TMEM120B: variants seen among roughly 807,000 people sequenced by gnomAD.
TMEM120B encodes transmembrane protein 120B.
Under a neutral mutation model 55.5 loss-of-function variants are expected in TMEM120B, and 31 were observed. The ratio of observed to expected loss-of-function variants is 0.56; its 90% CI spans 0.42 to 0.75. The LOEUF (loss-of-function observed/expected upper bound fraction) is 0.75, where lower values mean the gene tolerates loss of function less well. TMEM120B is among the 30% of genes least tolerant of loss of function. TMEM120B has a pLI of 0.00. For missense variants in TMEM120B, 399 were observed against 425.5 expected (o/e 0.94, Z 0.55); for synonymous variants, 203 against 176.3 (o/e 1.15, Z -1.20).
chr12:121,754,149 G>T (rs372033207), intron 5 of TMEM120B, among the ~76,000 whole-genome samples: 5 of 152,246 alleles, frequency 3.3e-5, no homozygotes, highest in East Asian at 3.8e-4. Context: ...CCAAACAAAG[G>T]CTCTTTCAGG....
intron 6 of TMEM120B, among the ~76,000 whole-genome samples, chr12:121,770,610 G>T (rs534398995): frequency 6.6e-6 from 1 of 152,210 alleles, no homozygotes; most frequent in South Asian, 2.1e-4. Context: ...AGGACCAGGT[G>T]GGGAGGACAG....
intron 6 of TMEM120B, among the ~76,000 whole-genome samples, chr12:121,763,113 AGGTCTAATTCCTTTTGGG>A (rs1786724039): frequency 6.6e-6 from 1 of 150,474 alleles, no homozygotes; most frequent in Non-Finnish European, 1.5e-5. Flanking sequence ...TATTTTCCAA[AGGTCTAATTCCTTTTGGG>A]GGTGGCCATT....
In TMEM120B at chr12:121,780,036, T is replaced by A; in HGVS notation, c.*4314T>A. 5.2e-6 allele frequency: 1 copy of A among 191,510 alleles called. No individual in the cohort carries two copies. The highest frequency in any genetic ancestry group is 1.1e-5 in the Non-Finnish European group (1 of 91,328). 11.9% of individuals were successfully genotyped at this position (191,510 alleles called of 1,614,324 possible). A position where few individuals can be genotyped will look rare whatever the true frequency, so the allele number is the denominator to read the frequency against. On this transcript the variant is annotated 3_prime_UTR_variant, in exon 12 of 12. Coordinates refer to ENST00000449592, the MANE Select transcript of TMEM120B (RefSeq NM_001080825.2). The stretch of plus-strand genomic sequence containing the variant: ...CTCTCTCCCTTCTCTGAAAGTACCA[T>A]TTAGGCAAATTAATTTGCCCTTTTA...
intron 4 of TMEM120B, among the ~76,000 whole-genome samples, chr12:121,751,104 A>G (rs555315460): frequency 2.7e-5 from 2 of 73,320 alleles, no homozygotes; most frequent in South Asian, 1.1e-3. Context: ...CCCCACACCC[A>G]CACCCCAAAC....
rs927026320 is a variant in TMEM120B at position 121,735,212 on chromosome 12, A to C, written c.70-8417A>C. On this transcript the variant is annotated intron_variant, in intron 1 of 11. Transcript: ENST00000449592. ...AAAAAAAAAAAAAACAAAAAAAAAA[A>C]CCCAGAAACAAAACCTCCCAACTTA... Among the ~76,000 whole-genome samples the C allele has an allele frequency of 4.0e-5, 6 of 151,014 alleles. No homozygotes were observed. The South Asian group carries it at 8.4e-4, about 21-fold the overall frequency.
chr12:121,715,688 CAGT>C (rs891560039), intron 1 of TMEM120B, among the ~76,000 whole-genome samples: 1 of 152,022 alleles, frequency 6.6e-6, no homozygotes, highest in African/African-American at 2.4e-5. Flanking sequence ...GGTCAGGGGC[CAGT>C]CAGGGATGGC....
At chr12:121,754,484 C>A (rs1048407775) in intron 5 of TMEM120B, among the ~76,000 whole-genome samples, 2 of 152,210 alleles carry the variant, frequency 1.3e-5, no homozygotes, top group Admixed American at 6.5e-5. Flanking sequence ...TGGAAGCCGG[C>A]GGTCTGAAAG....
At chr12:121,750,357 C>T (rs1241254122) in intron 3 of TMEM120B, 23 bp from the exon 4 acceptor site, 2 of 1,610,666 alleles carry the variant, frequency 1.2e-6, no homozygotes, top group Admixed American at 3.3e-5. Flanking sequence ...AGGATCATGC[C>T]CCTCACAGGT....
rs1488515410 is a variant in TMEM120B, at chr12:121,781,314, A to G, written c.*5592A>G. On this transcript the variant is annotated 3_prime_UTR_variant, in exon 12 of 12. Coordinates refer to ENST00000449592, the MANE Select transcript of TMEM120B (RefSeq NM_001080825.2). ...GGGCCTCAATTTCCTCATCTATACA[A>G]TGGGCAGCAAGCCAGGAGTGCTGGC... 5.1e-6 allele frequency: 4 copies of G among 779,760 alleles called. No individual in the cohort carries two copies. Among genetic ancestry groups the G allele is most frequent in the Admixed American group, 2.5e-5 (1 of 39,288 alleles). 48.3% of individuals were successfully genotyped at this position (779,760 alleles called of 1,614,324 possible).
chr12:121,774,764 GA>G, intron 10 of TMEM120B, 42 bp downstream of exon 10: 15 of 1,602,562 alleles, frequency 9.4e-6, no homozygotes, highest in Non-Finnish European at 1.3e-5. Flanking sequence ...TGTCTGGGCT[GA>G]CCCCCAGGAA....
chr12:121,770,887 C>T lies in TMEM120B; in HGVS notation c.552-20C>T, dbSNP rs764563331. ...TTGCTCTCCCCTCCTGAGCACTTTC[C>T]GTTCTCTCCCTCTCCCGAGAATTAA... is the stretch of plus-strand genomic sequence containing the variant. On this transcript the variant is annotated intron_variant, in intron 6 of 11. Coordinates refer to ENST00000449592, the MANE Select transcript of TMEM120B (RefSeq NM_001080825.2). The T allele has an allele frequency of 3.5e-5, 57 of 1,613,486 alleles. No homozygotes were observed. Among genetic ancestry groups the T allele is most frequent in the Admixed American group, 1.5e-4 (9 of 59,978 alleles).
chr12:121,723,814 G>A lies in TMEM120B; in HGVS notation c.69+10850G>A, dbSNP rs532015911. ...TGTGTACTATTCCTTCTTTTCTTTT[G>A]TTTTTCTTTTGAGACAAGGTCTCTG... On this transcript the variant is annotated intron_variant, in intron 1 of 11. Coordinates refer to ENST00000449592, the MANE Select transcript of TMEM120B (RefSeq NM_001080825.2). Among the ~76,000 whole-genome samples, 5 of 152,120 alleles carry A rather than the reference G, an allele frequency of 3.3e-5. 1 individual carries two copies. In the East Asian group the frequency reaches 9.7e-4, roughly 29 times the overall value.
At chr12:121,735,077 T>G (rs1009045431) in intron 1 of TMEM120B, among the ~76,000 whole-genome samples, 29 of 151,436 alleles carry the variant, frequency 1.9e-4, no homozygotes, top group African/African-American at 7.0e-4. Context: ...TCCCAGCTAC[T>G]TGGGAGGCTG....
Position 121,712,767 on chromosome 12 carries a change from T to C in TMEM120B, c.-129T>C, listed in dbSNP as rs1894622430. 1 of 551,146 alleles carries C rather than the reference T, an allele frequency of 1.8e-6. No individual in the cohort carries two copies. The highest frequency in any genetic ancestry group is 2.7e-6 in the Non-Finnish European group (1 of 377,312). The allele number at this position is 551,146 out of a possible 1,614,324, so 34.1% of individuals were successfully genotyped here. On this transcript the variant is annotated 5_prime_UTR_variant, in exon 1 of 12. Transcript: ENST00000449592. The stretch of plus-strand genomic sequence containing the variant: ...CCGTGACGTCAGTTGCGCGCGTGGC[T>C]CTGGCTGCGCAGGAACAGCTGGTGC...
Position 121,720,073 on chromosome 12 carries a change from C to G in TMEM120B, c.69+7109C>G, listed in dbSNP as rs534808080. ...GCTGCATGCACCTCATCTCCTAGCTCTTTCACAGCTGATGACACCGAGGCA... is the reference window on the plus strand; with the variant it reads ...GCTGCATGCACCTCATCTCCTAGCTGTTTCACAGCTGATGACACCGAGGCA... On this transcript the variant is annotated intron_variant, in intron 1 of 11. Transcript: ENST00000449592. 2.0e-5 allele frequency among the ~76,000 whole-genome samples: 3 copies of G among 152,282 alleles called. No homozygotes were observed. The East Asian group carries it at 5.8e-4, about 29-fold the overall frequency.
Position 121,773,522 on chromosome 12 carries a change from C to G in TMEM120B, c.772+9C>G. On this transcript the variant is annotated intron_variant, in intron 9 of 11. Coordinates refer to ENST00000449592, the MANE Select transcript of TMEM120B (RefSeq NM_001080825.2). Reference sequence around the variant, plus strand: ...CCTGGATCTCACAGTGGGTGAGTAGCTGGGCCTGGGTTGGAGCCGGGGCAG... The same window carrying G: ...CCTGGATCTCACAGTGGGTGAGTAGGTGGGCCTGGGTTGGAGCCGGGGCAG... The G allele has an allele frequency of 1.9e-6, 3 of 1,579,262 alleles. No individual in the cohort carries two copies. The highest frequency in any genetic ancestry group is 1.8e-5 in the Admixed American group (1 of 56,196).
chr12:121,764,335 A>T (rs921089696), intron 6 of TMEM120B, among the ~76,000 whole-genome samples: 3 of 152,210 alleles, frequency 2.0e-5, no homozygotes, highest in African/African-American at 7.2e-5. Flanking sequence ...AGCCTGACCA[A>T]CATGGGGAAA....
intron 1 of TMEM120B, among the ~76,000 whole-genome samples, chr12:121,730,089 T>G (rs1230258689): frequency 6.7e-6 from 1 of 150,208 alleles, no homozygotes; most frequent in Non-Finnish European, 1.5e-5. Flanking sequence ...TGAAACCCCG[T>G]CTCTACTAAA....
chr12:121,778,324 G>C lies in TMEM120B; in HGVS notation c.*2602G>C, dbSNP rs113401351. On this transcript the variant is annotated 3_prime_UTR_variant, in exon 12 of 12. Coordinates refer to ENST00000449592, the MANE Select transcript of TMEM120B (RefSeq NM_001080825.2). ...AAATTAGCCGGACGTGGTGGTGTGC[G>C]CATGTAGTCCCAGCTACTCAGGAGG... 2,016 of 152,146 alleles carry C rather than the reference G, an allele frequency of 0.013. 18 individuals carry two copies. Among genetic ancestry groups the C allele is most frequent in the South Asian group, 0.021 (101 of 4,816 alleles). 9.4% of individuals were successfully genotyped at this position (152,146 alleles called of 1,614,324 possible). A position where few individuals can be genotyped will look rare whatever the true frequency, so the allele number is the denominator to read the frequency against.
Sources: gnomAD v4.1 joint callset for allele counts (sites outside exome capture counted in the v4.1 genomes callset) on GRCh38, gnomAD v4.1.1 for gene constraint, MANE v1.5 for transcripts, NCBI Gene and HGNC (gene_info 2026-07-23, HGNC 2026-07-21) for gene names.